The following PARD3B variants were observed in gnomAD, a reference collection of about 807,000 sequenced individuals.
PARD3B encodes the protein par-3 family cell polarity regulator beta, also known as partitioning defective 3 homolog B.
Under a neutral mutation model 130.2 loss-of-function variants are expected in PARD3B, and 103 were observed. The observed-to-expected ratio is 0.79, with a 90% CI of 0.67 to 0.93. The LOEUF (loss-of-function observed/expected upper bound fraction) is 0.93, where lower values mean the gene tolerates loss of function less well. Among genes scored for constraint, PARD3B ranks in the 40% least tolerant of loss-of-function variants. The pLI is 0.00. For missense variants in PARD3B, 1,609 were observed against 1,499.2 expected (o/e 1.07, Z -1.21); for synonymous variants, 583 against 553.2 (o/e 1.05, Z -0.76).
chr2:205,536,187 T>A (rs2051847283), intron 21 of PARD3B, among the ~76,000 whole-genome samples: 1 of 152,102 alleles, frequency 6.6e-6, no homozygotes, highest in Non-Finnish European at 1.5e-5. Context: ...AATTGTGAGG[T>A]GGAACAAGCG....
At chr2:205,574,103 G>A (rs940812722) in intron 22 of PARD3B, among the ~76,000 whole-genome samples, 2 of 152,124 alleles carry the variant, frequency 1.3e-5, no homozygotes, top group Admixed American at 1.3e-4. Flanking sequence ...CACAATTACA[G>A]TTTTATATAC....
intron 21 of PARD3B, among the ~76,000 whole-genome samples, chr2:205,517,189 G>C (rs2050827832): frequency 6.6e-6 from 1 of 152,088 alleles, no homozygotes; most frequent in Non-Finnish European, 1.5e-5. Context: ...GAGGATTTTT[G>C]CATCAGTGTT....
chr2:204,988,609 T>C (rs1000767100), intron 3 of PARD3B, among the ~76,000 whole-genome samples: 1 of 152,170 alleles, frequency 6.6e-6, no homozygotes, highest in African/African-American at 2.4e-5. Flanking sequence ...CATAAATATA[T>C]ATACCTATTG....
At chr2:205,210,843 T>A (rs1471925675) in intron 15 of PARD3B, among the ~76,000 whole-genome samples, 3 of 152,148 alleles carry the variant, frequency 2.0e-5, no homozygotes, top group Admixed American at 6.6e-5. Flanking sequence ...GTGAATGATC[T>A]GAGCATTTCC....
At chr2:205,455,641 A>G (rs2048247952) in intron 20 of PARD3B, among the ~76,000 whole-genome samples, 2 of 151,794 alleles carry the variant, frequency 1.3e-5, no homozygotes, top group South Asian at 2.1e-4. Flanking sequence ...TTATATAGTC[A>G]TAGTTATATA....
rs567909837 is a variant in PARD3B, at chr2:204,598,347, G to T, written c.120+52228G>T. On this transcript the variant is annotated intron_variant, in intron 1 of 22. Transcript: ENST00000406610. ...TTCTACTCATAATCCCACTATCAGAGATAACTGTTATTTATGTGCTGTTGT... is the reference window on the plus strand; with the variant it reads ...TTCTACTCATAATCCCACTATCAGATATAACTGTTATTTATGTGCTGTTGT... Among the ~76,000 whole-genome samples, 5 of 152,224 alleles carry T rather than the reference G, an allele frequency of 3.3e-5. No homozygotes were observed. The South Asian group carries it at 1.0e-3, about 32-fold the overall frequency.
At chr2:205,513,828 T>C (rs2050685111) in intron 21 of PARD3B, among the ~76,000 whole-genome samples, 1 of 151,710 alleles carries the variant, frequency 6.6e-6, no homozygotes, top group East Asian at 1.9e-4. Flanking sequence ...TATTTAGGAG[T>C]AGTTATGCAG....
chr2:205,011,108 C>T lies in PARD3B; in HGVS notation c.395-36473C>T, dbSNP rs1695674453. Among the ~76,000 whole-genome samples the T allele has an allele frequency of 6.6e-6, 1 of 152,196 alleles. No homozygotes were observed. Among genetic ancestry groups the T allele is most frequent in the South Asian group, 2.1e-4 (1 of 4,832 alleles). ...TAGGCTAATTGGATAGAGATCCTGCCTATTCACTCTTGGCTGGTAGATGTT... is the reference window on the plus strand; with the variant it reads ...TAGGCTAATTGGATAGAGATCCTGCTTATTCACTCTTGGCTGGTAGATGTT... On this transcript the variant is annotated intron_variant, in intron 3 of 22. Coordinates refer to ENST00000406610, the MANE Select transcript of PARD3B (RefSeq NM_001302769.2). The surrounding 1 kb of genome is among the most constrained non-coding windows in gnomAD (Gnocchi z 4.1).
At chr2:204,959,412 T>C (rs935679678) in intron 2 of PARD3B, among the ~76,000 whole-genome samples, 1 of 152,230 alleles carries the variant, frequency 6.6e-6, no homozygotes, top group Non-Finnish European at 1.5e-5. Context: ...AAGTCTTTGC[T>C]ATTGTAAATA....
At chr2:204,848,641 G>GTCTA (rs112373204) in intron 2 of PARD3B, among the ~76,000 whole-genome samples, 2,776 of 148,442 alleles carry the variant, frequency 0.019, 63 homozygotes, top group African/African-American at 0.051. Flanking sequence ...GTGAGACTCT[G>GTCTA]TCTATCTATC....
At chr2:205,439,189 G>T (rs2047625754) in intron 19 of PARD3B, among the ~76,000 whole-genome samples, 1 of 152,132 alleles carries the variant, frequency 6.6e-6, no homozygotes, top group Non-Finnish European at 1.5e-5. Context: ...GGTTTCAGTT[G>T]TTTTTTTAAC....
chr2:204,782,375 CAT>C (rs1443281114), intron 2 of PARD3B, among the ~76,000 whole-genome samples: 1 of 41,016 alleles, frequency 2.4e-5, no homozygotes, highest in Non-Finnish European at 6.0e-5. Context: ...TATACCATCA[CAT>C]ATGTATTACA....
At chr2:204,831,661 A>G (rs761589213) in intron 2 of PARD3B, among the ~76,000 whole-genome samples, 5 of 152,004 alleles carry the variant, frequency 3.3e-5, no homozygotes, top group Admixed American at 1.3e-4. Context: ...TATATTTGGC[A>G]TCTAAAGAAT....
intron 18 of PARD3B, among the ~76,000 whole-genome samples, chr2:205,343,543 GT>G (rs2043624673): frequency 6.6e-6 from 1 of 152,350 alleles, no homozygotes; most frequent in African/African-American, 2.4e-5. Flanking sequence ...TAGGTCCTGT[GT>G]TAAGACATCT....
intron 16 of PARD3B, among the ~76,000 whole-genome samples, chr2:205,275,997 A>G (rs765295759): frequency 2.0e-4 from 31 of 152,188 alleles, no homozygotes; most frequent in Non-Finnish European, 4.0e-4. Context: ...AATGGAAAGC[A>G]GACACAGTAA....
chr2:205,533,788 G>A (rs1344580920), intron 21 of PARD3B, among the ~76,000 whole-genome samples: 1 of 151,972 alleles, frequency 6.6e-6, no homozygotes, highest in Non-Finnish European at 1.5e-5. Flanking sequence ...AGAGTGCAGG[G>A]GTGCAAACAG....
At chr2:204,926,144 G>A (rs535105607) in intron 2 of PARD3B, among the ~76,000 whole-genome samples, 9 of 152,002 alleles carry the variant, frequency 5.9e-5, no homozygotes, top group Non-Finnish European at 1.0e-4. Flanking sequence ...CTTTGGCTTT[G>A]GTAGTGAGCA....
chr2:204,579,674 AGG>A (rs1197163065), intron 1 of PARD3B, among the ~76,000 whole-genome samples: 1 of 152,244 alleles, frequency 6.6e-6, no homozygotes, highest in Non-Finnish European at 1.5e-5. Context: ...ATGGAGAGTC[AGG>A]GTCAAGGCAA....
intron 1 of PARD3B, among the ~76,000 whole-genome samples, chr2:204,637,907 G>A (rs1213967508): frequency 6.6e-6 from 1 of 151,962 alleles, no homozygotes. Flanking sequence ...AAGAGGTGTG[G>A]GGCAGTGGAA....
Sources: allele counts gnomAD v4.1 joint callset (sites outside exome capture counted in the v4.1 genomes callset), GRCh38; gene constraint gnomAD v4.1.1; non-coding constraint Gnocchi (gnomAD v3.1); transcripts MANE v1.5; gene names NCBI Gene and HGNC (gene_info 2026-07-23, HGNC 2026-07-21).